TPCN2: variants seen among roughly 807,000 people sequenced by gnomAD.
TPCN2 encodes the protein two pore channel protein 2.
TPCN2 carries 92 observed loss-of-function variants against 111.4 expected under a neutral mutation model. That is an observed-to-expected ratio of 0.83 (90% CI 0.70 to 0.98). The LOEUF (loss-of-function observed/expected upper bound fraction) is 0.98, where lower values mean the gene tolerates loss of function less well. TPCN2 is among the 50% of genes least tolerant of loss of function. The pLI is 0.00. For synonymous variants in TPCN2, 405 were observed against 414.5 expected, an observed-to-expected ratio of 0.98 and a Z score of 0.28; for missense variants, 995 against 980.1, an observed-to-expected ratio of 1.02 and a Z score of -0.20.
chr11:69,084,767 G>T (rs894383486), intron 19 of TPCN2: 4 of 985,316 alleles, frequency 4.1e-6, no homozygotes, highest in Non-Finnish European at 4.8e-6. Context: ...GGAAATAGAC[G>T]CTGGGAAGAG....
intron 18 of TPCN2, among the ~76,000 whole-genome samples, chr11:69,082,788 T>G (rs368421455): frequency 1.3e-5 from 1 of 75,846 alleles, no homozygotes; most frequent in African/African-American, 4.4e-5. Context: ...CAGATATCCA[T>G]GTGAACTCGT....
chr11:69,050,215 T>C (rs1454419611), intron 1 of TPCN2, among the ~76,000 whole-genome samples: 1 of 152,204 alleles, frequency 6.6e-6, no homozygotes, highest in Non-Finnish European at 1.5e-5. Flanking sequence ...AGGTGCTTCC[T>C]GGGACCAGTC....
At chr11:69,062,687 G>A (rs938571838) in intron 5 of TPCN2, among the ~76,000 whole-genome samples, 197 bp from the exon 6 acceptor site, 12 of 152,138 alleles carry the variant, frequency 7.9e-5, no homozygotes, top group Non-Finnish European at 1.6e-4. Flanking sequence ...GCCTGTGACA[G>A]GGAAGGACTG....
At chr11:69,086,755 C>G in intron 23 of TPCN2, 151 bp downstream of exon 23, 2 of 661,444 alleles carry the variant, frequency 3.0e-6, no homozygotes, top group Non-Finnish European at 5.2e-6. Flanking sequence ...TGAGCCCCTC[C>G]CGTGGGGCTC....
At chr11:69,081,312 C>T in intron 17 of TPCN2, 88 bp from the exon 18 acceptor site, 1 of 849,234 alleles carries the variant, frequency 1.2e-6, no homozygotes, top group South Asian at 1.6e-5. Context: ...CCTCCCTGCG[C>T]CTCCGTCCAG....
intron 23 of TPCN2, 108 bp from the exon 24 acceptor site, chr11:69,087,004 C>T (rs985084040): frequency 2.2e-6 from 2 of 894,392 alleles, no homozygotes; most frequent in African/African-American, 3.3e-5. Flanking sequence ...GTGAATGGCT[C>T]AGCCCCCTCA....
At chr11:69,078,430 A>G in intron 13 of TPCN2, 52 bp from the exon 14 acceptor site, 1 of 1,603,446 alleles carries the variant, frequency 6.2e-7, no homozygotes, top group Non-Finnish European at 8.5e-7. Context: ...TTTGGGCTGC[A>G]ACAGCCACGG....
At chr11:69,083,852 T>G (rs1391288265) in intron 18 of TPCN2, 93 bp from the exon 19 acceptor site, 1 of 1,202,340 alleles carries the variant, frequency 8.3e-7, no homozygotes, top group Non-Finnish European at 1.2e-6. Flanking sequence ...TGCCCCATCT[T>G]GCCTTTCTGT....
At chr11:69,053,710 C>T (rs760216068) in intron 1 of TPCN2, among the ~76,000 whole-genome samples, 2 of 152,154 alleles carry the variant, frequency 1.3e-5, no homozygotes, top group African/African-American at 2.4e-5. Flanking sequence ...CCTGCCAGCA[C>T]GTGGAGGAGC....
intron 5 of TPCN2, among the ~76,000 whole-genome samples, chr11:69,058,581 C>T (rs149601941): frequency 6.6e-6 from 1 of 152,352 alleles, no homozygotes; most frequent in African/African-American, 2.4e-5. Context: ...GAGTGCATCT[C>T]CTGTCCCCGC....
chr11:69,087,987 A>C lies in TPCN2; in HGVS notation c.*34A>C. 6.3e-7 allele frequency: 1 copy of C among 1,580,960 alleles called. No individual in the cohort carries two copies. Among genetic ancestry groups the C allele is most frequent in the African/African-American group, 1.3e-5 (1 of 74,458 alleles). On this transcript the variant is annotated 3_prime_UTR_variant, in exon 25 of 25. Coordinates refer to ENST00000294309, the MANE Select transcript of TPCN2 (RefSeq NM_139075.4). ...CTGCCGTCCCAGCAGGGGCGGCAGG[A>C]GAGAGAGGCTGGCCTACACAGGTGC...
chr11:69,053,404 T>A (rs1252508053), intron 1 of TPCN2, among the ~76,000 whole-genome samples: 3 of 151,946 alleles, frequency 2.0e-5, no homozygotes, highest in Non-Finnish European at 4.4e-5. Context: ...TGAAGCCTCA[T>A]GGCAGTGCCT....
Position 69,067,593 on chromosome 11 carries a change from A to G in TPCN2, c.817A>G (p.Asn273Asp). ...CCTCCTGGTGCTGCTGACCACGGCCAACAACCCCGATGGTGCGTGCAGGGC... is the reference window on the plus strand; with the variant it reads ...CCTCCTGGTGCTGCTGACCACGGCCGACAACCCCGATGGTGCGTGCAGGGC... ...TSLLVLLTTA[N>D]NPDVMIPAYS... Residue 273 changes from asparagine (N) to aspartate (D), a missense_variant, in exon 8 of 25, where the codon AAC becomes GAC. Coordinates refer to ENST00000294309, the MANE Select transcript of TPCN2 (RefSeq NM_139075.4). The G allele has an allele frequency of 6.2e-7, 1 of 1,613,890 alleles. No individual in the cohort carries two copies. The highest frequency in any genetic ancestry group is 8.5e-7 in the Non-Finnish European group (1 of 1,179,992).
chr11:69,067,209 G>T (rs1380871218), intron 7 of TPCN2, among the ~76,000 whole-genome samples: 1 of 152,236 alleles, frequency 6.6e-6, no homozygotes, highest in Non-Finnish European at 1.5e-5. Flanking sequence ...AGCAGGCGAG[G>T]TGGCCTGAGG....
chr11:69,065,380 G>A (rs1466222), intron 7 of TPCN2, among the ~76,000 whole-genome samples: 41,981 of 152,172 alleles, frequency 0.28, 6,135 homozygotes, highest in South Asian at 0.45. Flanking sequence ...CGGGAAAGCC[G>A]AGTGTCCCAT....
At chr11:69,064,392 C>T (rs1855169985) in intron 7 of TPCN2, among the ~76,000 whole-genome samples, 1 of 151,740 alleles carries the variant, frequency 6.6e-6, no homozygotes. Context: ...GACAACCAGG[C>T]TTGCCCTGTA....
chr11:69,057,829 A>G lies in TPCN2; in HGVS notation c.546+135A>G, dbSNP rs984124216. The G allele has an allele frequency of 1.1e-5, 8 of 729,906 alleles. No homozygotes were observed. The African/African-American group carries it at 1.2e-4, about 11-fold the overall frequency. 45.2% of individuals were successfully genotyped at this position (729,906 alleles called of 1,614,324 possible). ...ACCCGCCCAGCACTGCCCACCTCCCATGGCACTTCCTTCACTTGTTGGCTG... is the reference window on the plus strand; with the variant it reads ...ACCCGCCCAGCACTGCCCACCTCCCGTGGCACTTCCTTCACTTGTTGGCTG... On this transcript the variant is annotated intron_variant, in intron 5 of 24. Coordinates refer to ENST00000294309, the MANE Select transcript of TPCN2 (RefSeq NM_139075.4).
intron 9 of TPCN2, 97 bp from the exon 10 acceptor site, chr11:69,071,259 A>T: frequency 1.1e-6 from 1 of 895,852 alleles, no homozygotes; most frequent in Non-Finnish European, 1.8e-6. Context: ...TTGATAGGGG[A>T]CGCCCCCGGC....
At chr11:69,055,100 G>C in intron 3 of TPCN2, 75 bp from the exon 4 acceptor site, 1 of 1,506,258 alleles carries the variant, frequency 6.6e-7, no homozygotes, top group Non-Finnish European at 9.0e-7. Flanking sequence ...CTTCGGACTG[G>C]GGAAGCTCCT....
Sources: allele counts gnomAD v4.1 joint callset (sites outside exome capture counted in the v4.1 genomes callset), GRCh38; gene constraint gnomAD v4.1.1; transcripts MANE v1.5; gene names NCBI Gene and HGNC (gene_info 2026-07-23, HGNC 2026-07-21).